The following NR2F1-AS1 variants were observed in gnomAD, a reference collection of about 807,000 sequenced individuals.
The protein encoded by NR2F1-AS1 is NR2F1 regulatory antisense RNA 1.
chr5:93,459,859 G>A (rs188777545), intron 4 of NR2F1-AS1, among the ~76,000 whole-genome samples: 179 of 152,206 alleles, frequency 1.2e-3, no homozygotes, highest in African/African-American at 3.9e-3. Flanking sequence ...CAGGTGAAAA[G>A]GGAATGTGGG....
chr5:93,448,132 G>A (rs1371542791), intron 4 of NR2F1-AS1, among the ~76,000 whole-genome samples: 1 of 151,958 alleles, frequency 6.6e-6, no homozygotes, highest in Non-Finnish European at 1.5e-5. Flanking sequence ...ACACCAACAT[G>A]GCACATGTAT....
chr5:93,584,955 C>A, upstream of NR2F1-AS1: 2 of 524,564 alleles, frequency 3.8e-6, no homozygotes, highest in Non-Finnish European at 4.9e-6. Context: ...CCCCTCCCAG[C>A]GCGCCCGCGC....
intron 4 of NR2F1-AS1, among the ~76,000 whole-genome samples, chr5:93,498,432 T>C (rs551337715): frequency 6.6e-6 from 1 of 152,232 alleles, no homozygotes; most frequent in Admixed American, 6.5e-5. Flanking sequence ...TCTCATACTT[T>C]TACAAAATTC....
At chr5:93,457,419 C>A (rs1749975074) in intron 4 of NR2F1-AS1, among the ~76,000 whole-genome samples, 1 of 152,214 alleles carries the variant, frequency 6.6e-6, no homozygotes, top group Non-Finnish European at 1.5e-5. Flanking sequence ...GTCGTCACAG[C>A]ACGTGTTTCT....
chr5:93,428,130 G>A (rs1171327500), intron 4 of NR2F1-AS1, among the ~76,000 whole-genome samples: 2 of 152,140 alleles, frequency 1.3e-5, no homozygotes, highest in African/African-American at 4.8e-5. Flanking sequence ...CTCTTGTTAA[G>A]TATCCAAATT....
intron 4 of NR2F1-AS1, chr5:93,409,561 T>G (rs1205893475): frequency 6.6e-6 from 1 of 152,192 alleles, no homozygotes; most frequent in African/African-American, 2.4e-5. Flanking sequence ...TAACTAATAC[T>G]TCCTGGAAGA....
At chr5:93,444,821 G>A (rs1749659757) in intron 4 of NR2F1-AS1, among the ~76,000 whole-genome samples, 1 of 152,174 alleles carries the variant, frequency 6.6e-6, no homozygotes, top group African/African-American at 2.4e-5. Context: ...CTCAGAAAAT[G>A]TAAAAGAACA....
intron 4 of NR2F1-AS1, among the ~76,000 whole-genome samples, chr5:93,512,756 G>A (rs1411025874): frequency 1.3e-5 from 2 of 152,114 alleles, no homozygotes; most frequent in African/African-American, 4.8e-5. Flanking sequence ...TGTTACAAGT[G>A]TCTACAGTAC....
At chr5:93,494,687 G>C (rs563646500) in intron 4 of NR2F1-AS1, among the ~76,000 whole-genome samples, 1 of 152,264 alleles carries the variant, frequency 6.6e-6, no homozygotes, top group South Asian at 2.1e-4. Context: ...ACGTAAAATG[G>C]TGCAGCTGCT....
intron 4 of NR2F1-AS1, among the ~76,000 whole-genome samples, chr5:93,472,510 T>C (rs1750387889): frequency 6.6e-6 from 1 of 151,862 alleles, no homozygotes; most frequent in Admixed American, 6.6e-5. Flanking sequence ...ATAAGCTACA[T>C]GAATATACTC....
intron 1 of NR2F1-AS1, among the ~76,000 whole-genome samples, chr5:93,573,354 G>C (rs967466786): frequency 6.6e-6 from 1 of 152,170 alleles, no homozygotes; most frequent in African/African-American, 2.4e-5. Context: ...AGGGAATTCG[G>C]GACGGAAACG....
In NR2F1-AS1 at chr5:93,558,028, C is replaced by T. The variant is rs1752400911; in HGVS notation, n.414-3033G>A. ...GTTTAATCATGTAATTGCAGCAATT[C>T]GGTCACATCTTCAGGCCCTACTTCT... On this transcript the variant is annotated intron_variant and non_coding_transcript_variant, in intron 2 of 5. Transcript: ENST00000660523. Among the ~76,000 whole-genome samples the T allele has an allele frequency of 2.0e-5, 3 of 152,128 alleles. No homozygotes were observed. In the South Asian group the frequency reaches 6.2e-4, roughly 32 times the overall value.
At chr5:93,512,706 G>A (rs776756165) in intron 4 of NR2F1-AS1, among the ~76,000 whole-genome samples, 15 of 152,002 alleles carry the variant, frequency 9.9e-5, no homozygotes, top group Non-Finnish European at 1.8e-4. Flanking sequence ...TATTTTTATC[G>A]TAGTTTTTCT....
intron 4 of NR2F1-AS1, among the ~76,000 whole-genome samples, chr5:93,443,181 C>A (rs1749613166): frequency 6.6e-6 from 1 of 152,176 alleles, no homozygotes; most frequent in African/African-American, 2.4e-5. Flanking sequence ...TGGAACAAAG[C>A]TGCATGGAGA....
intron 4 of NR2F1-AS1, among the ~76,000 whole-genome samples, chr5:93,532,631 C>A (rs192657710): frequency 5.9e-5 from 9 of 152,340 alleles, no homozygotes; most frequent in Admixed American, 5.9e-4. Flanking sequence ...TGAGAGAATT[C>A]TTTGCCAACC....
intron 4 of NR2F1-AS1, among the ~76,000 whole-genome samples, chr5:93,452,597 A>T (rs992051750): frequency 2.6e-5 from 4 of 152,236 alleles, no homozygotes; most frequent in Non-Finnish European, 5.9e-5. Flanking sequence ...ATTCATCTGC[A>T]TATGCATAAA....
rs941516305 is a variant in NR2F1-AS1 at position 93,579,388 on chromosome 5, C to T, written n.313+1079G>A. ...CTGAGGCCTCGCGGGCCCAACTTCT[C>T]CCCACCGCTAGGGTCACGCCGGGTC... On this transcript the variant is annotated intron_variant and non_coding_transcript_variant, in intron 1 of 5. Coordinates refer to ENST00000660523, the Ensembl canonical transcript of NR2F1-AS1. The surrounding 1 kb of genome is among the most constrained non-coding windows in gnomAD (Gnocchi z 5.1). 2.6e-5 allele frequency among the ~76,000 whole-genome samples: 4 copies of T among 152,170 alleles called. No individual in the cohort carries two copies. Among genetic ancestry groups the T allele is most frequent in the Non-Finnish European group, 4.4e-5 (3 of 68,028 alleles).
intron 4 of NR2F1-AS1, among the ~76,000 whole-genome samples, chr5:93,426,043 AT>A (rs371175585): frequency 2.2e-3 from 323 of 144,874 alleles, no homozygotes; most frequent in Middle Eastern, 3.5e-3. Context: ...ATCTCACCTA[AT>A]TTTTTTTTTT....
chr5:93,545,310 T>C (rs1752057259), intron 4 of NR2F1-AS1, among the ~76,000 whole-genome samples: 1 of 152,228 alleles, frequency 6.6e-6, no homozygotes, highest in Admixed American at 6.5e-5. Context: ...GTTCTGCTAT[T>C]TTGTGGATAC....
Sources: gnomAD v4.1 joint callset for allele counts (sites outside exome capture counted in the v4.1 genomes callset) on GRCh38, gnomAD v4.1.1 for gene constraint, Gnocchi (gnomAD v3.1) non-coding constraint, MANE v1.5 for transcripts, NCBI Gene and HGNC (gene_info 2026-07-23, HGNC 2026-07-21) for gene names.